Variants in PPP1R12B observed in about 807,000 individuals in gnomAD.
PPP1R12B encodes protein phosphatase 1 regulatory subunit 12B, also known as myosin phosphatase target subunit 2.
Under a neutral mutation model 126.1 loss-of-function variants are expected in PPP1R12B, and 76 were observed. The ratio of observed to expected loss-of-function variants is 0.60; its 90% CI spans 0.50 to 0.73. The LOEUF (loss-of-function observed/expected upper bound fraction) is 0.73. Ranked by LOEUF, PPP1R12B falls within the 30% of genes least tolerant of loss-of-function variation. PPP1R12B has a pLI of 0.00. For missense variants in PPP1R12B, 1,052 were observed against 1,205.1 expected, an observed-to-expected ratio of 0.87 and a Z score of 1.88; for synonymous variants, 356 against 434.7, an observed-to-expected ratio of 0.82 and a Z score of 2.25.
chr1:202,575,052 A>G, intron 23 of PPP1R12B: 1 of 1,613,442 alleles, frequency 6.2e-7, no homozygotes, highest in Non-Finnish European at 8.5e-7. Context: ...TGAACGAGCA[A>G]CTGCAGGCTG....
intron 23 of PPP1R12B, 134 bp downstream of exon 23, chr1:202,569,331 A>G: frequency 1.1e-6 from 1 of 903,176 alleles, no homozygotes; most frequent in Non-Finnish European, 1.7e-6. Flanking sequence ...GATGTGTAAA[A>G]AAGTGAGCAT....
In PPP1R12B at chr1:202,586,756, C is replaced by A. The variant is rs1689837097; in HGVS notation, c.*6196C>A. ...CATAGAACCCAGGTTTGGCTTACAA[C>A]CCAGTGTCCCGGAAGCCCTCCTTCG... On this transcript the variant is annotated 3_prime_UTR_variant, in exon 24 of 24. Coordinates refer to ENST00000608999, the MANE Select transcript of PPP1R12B (RefSeq NM_002481.4). 1 of 152,214 alleles carries A rather than the reference C, an allele frequency of 6.6e-6. No homozygotes were observed. The highest frequency in any genetic ancestry group is 2.4e-5 in the African/African-American group (1 of 41,448). 9.4% of individuals were successfully genotyped at this position (152,214 alleles called of 1,614,324 possible).
Position 202,589,831 on chromosome 1 carries a change from C to T in PPP1R12B, c.*9271C>T, listed in dbSNP as rs1468148036. ...GCTCCCTCAGGTGGGCAGCTCCCAT[C>T]CCTGCTTGCATTCACTGCCCCCATG... On this transcript the variant is annotated 3_prime_UTR_variant, in exon 24 of 24. Transcript: ENST00000608999. The T allele has an allele frequency of 6.6e-6, 1 of 152,274 alleles. No individual in the cohort carries two copies. The highest frequency in any genetic ancestry group is 1.5e-5 in the Non-Finnish European group (1 of 68,118). 9.4% of individuals were successfully genotyped at this position (152,274 alleles called of 1,614,324 possible).
intron 13 of PPP1R12B, among the ~76,000 whole-genome samples, chr1:202,454,619 C>A (rs1673386663): frequency 6.6e-6 from 1 of 152,066 alleles, no homozygotes; most frequent in Non-Finnish European, 1.5e-5. Context: ...CAGTGTCATA[C>A]CGAAAATCTG....
At chr1:202,530,033 A>G (rs1326647365) in intron 18 of PPP1R12B, among the ~76,000 whole-genome samples, 1 of 152,220 alleles carries the variant, frequency 6.6e-6, no homozygotes, top group Non-Finnish European at 1.5e-5. Flanking sequence ...CTTTAAAGCT[A>G]CTTATTCAGT....
chr1:202,504,858 C>G (rs1572317007), intron 18 of PPP1R12B, among the ~76,000 whole-genome samples: 1 of 152,128 alleles, frequency 6.6e-6, no homozygotes, highest in African/African-American at 2.4e-5. Context: ...TAATAATAGT[C>G]TACCTCTTAG....
At position 202,425,594 on chromosome 1, in the gene PPP1R12B, A is replaced by C. The variant is rs771239626; in HGVS notation, c.570A>C (p.Glu190Asp). 6 of 1,613,984 alleles carry C rather than the reference A, an allele frequency of 3.7e-6. No homozygotes were observed. Among genetic ancestry groups the C allele is most frequent in the Non-Finnish European group, 5.1e-6 (6 of 1,179,854 alleles). ...TTGATCTAGAGCAGTCAAGAAAAGA[A>C]GAAGAGCAGCAGATGTTGCAGGATG... ...QGVDLEQSRK[E>D]EEQQMLQDAR... The change falls in exon 4 of 24, where the codon GAA (glutamate) becomes GAC (aspartate). Residue 190 changes from glutamate to aspartate, a missense_variant. Transcript: ENST00000608999.
chr1:202,362,991 G>A lies in PPP1R12B; in HGVS notation c.291+13849G>A, dbSNP rs1658487649. On this transcript the variant is annotated intron_variant, in intron 1 of 23. Coordinates refer to ENST00000608999, the MANE Select transcript of PPP1R12B (RefSeq NM_002481.4). ...TGGGACTACAGGCATGCACCATCAT[G>A]CCCAGCTGATTATTGTATTGTTATT... Among the ~76,000 whole-genome samples the A allele has an allele frequency of 2.0e-5, 3 of 152,068 alleles. No individual in the cohort carries two copies. The South Asian group carries it at 6.2e-4, about 32-fold the overall frequency.
chr1:202,395,519 G>C (rs1447376838), intron 1 of PPP1R12B, among the ~76,000 whole-genome samples: 1 of 152,058 alleles, frequency 6.6e-6, no homozygotes, highest in Non-Finnish European at 1.5e-5. Flanking sequence ...TTCTCATTTT[G>C]GGTGATTTTT....
intron 1 of PPP1R12B, among the ~76,000 whole-genome samples, chr1:202,412,152 C>T (rs956788682): frequency 3.3e-5 from 5 of 152,050 alleles, no homozygotes; most frequent in Admixed American, 6.6e-5. Context: ...GTGTCATTCC[C>T]GTAAAATTTT....
At chr1:202,389,181 G>A (rs1663660597) in intron 1 of PPP1R12B, among the ~76,000 whole-genome samples, 1 of 152,122 alleles carries the variant, frequency 6.6e-6, no homozygotes, top group Non-Finnish European at 1.5e-5. Context: ...TAACTAGGAA[G>A]CAAGGAAGAG....
At chr1:202,535,644 T>C (rs1684460449) in intron 18 of PPP1R12B, among the ~76,000 whole-genome samples, 1 of 152,212 alleles carries the variant, frequency 6.6e-6, no homozygotes, top group Non-Finnish European at 1.5e-5. Flanking sequence ...TTTTCTTCCC[T>C]CTTTTTTACC....
At position 202,508,125 on chromosome 1, in the gene PPP1R12B, C is replaced by G. The variant is rs866181073; in HGVS notation, c.2490+11303C>G. ...CTTGTAAAAATGTAAAGATGAATGG[C>G]CACCACCTCCCAATTTTAACTTTTC... On this transcript the variant is annotated intron_variant, in intron 18 of 23. Coordinates refer to ENST00000608999, the MANE Select transcript of PPP1R12B (RefSeq NM_002481.4). The surrounding 1 kb of genome is among the most constrained non-coding windows in gnomAD (Gnocchi z 4.5). Among the ~76,000 whole-genome samples, 8 of 152,156 alleles carry G rather than the reference C, an allele frequency of 5.3e-5. No individual in the cohort carries two copies. Among genetic ancestry groups the G allele is most frequent in the African/African-American group, 1.9e-4 (8 of 41,428 alleles).
chr1:202,394,160 A>G (rs1468121541), intron 1 of PPP1R12B, among the ~76,000 whole-genome samples: 2 of 151,876 alleles, frequency 1.3e-5, no homozygotes, highest in African/African-American at 4.8e-5. Flanking sequence ...AACATGGCGA[A>G]ACCCCATCTC....
intron 18 of PPP1R12B, among the ~76,000 whole-genome samples, chr1:202,545,859 C>T (rs185263831): frequency 3.9e-5 from 6 of 152,190 alleles, no homozygotes; most frequent in East Asian, 1.9e-4. Context: ...AGCTGCATAT[C>T]GGTGTGGCTA....
chr1:202,437,922 T>G lies in PPP1R12B; in HGVS notation c.1356T>G (p.Ser452Arg). ...AAACTGGCAGCCACAACATGCTGAG[T>G]GAGGTGGCCAATTCCAGGGAACCTA... ...LRKTGSHNML[S>R]EVANSREPIR... Residue 452 changes from serine to arginine, a missense_variant, in exon 10 of 24, where the codon AGT (serine) becomes AGG (arginine). Transcript: ENST00000608999. The G allele has an allele frequency of 1.2e-6, 2 of 1,613,952 alleles. No individual in the cohort carries two copies. Among genetic ancestry groups the G allele is most frequent in the Non-Finnish European group, 1.7e-6 (2 of 1,179,886 alleles).
chr1:202,401,198 T>TC (rs2148561057), intron 1 of PPP1R12B, among the ~76,000 whole-genome samples: 1 of 149,328 alleles, frequency 6.7e-6, no homozygotes, highest in East Asian at 1.9e-4. Flanking sequence ...TTTTTTCTCT[T>TC]TTTTTTTTAG....
chr1:202,450,748 T>C (rs1044131744), intron 13 of PPP1R12B, among the ~76,000 whole-genome samples: 1 of 152,260 alleles, frequency 6.6e-6, no homozygotes, highest in Non-Finnish European at 1.5e-5. Flanking sequence ...AGCACTATGC[T>C]ATTTTGGTTA....
chr1:202,557,558 A>C (rs1342666834), intron 18 of PPP1R12B, among the ~76,000 whole-genome samples: 3 of 152,038 alleles, frequency 2.0e-5, no homozygotes, highest in African/African-American at 4.8e-5. Context: ...TGATTCCCCC[A>C]CCTCAAATGG....
Sources: gnomAD v4.1 joint callset for allele counts (sites outside exome capture counted in the v4.1 genomes callset) on GRCh38, gnomAD v4.1.1 for gene constraint, Gnocchi (gnomAD v3.1) non-coding constraint, MANE v1.5 for transcripts, NCBI Gene and HGNC (gene_info 2026-07-23, HGNC 2026-07-21) for gene names.